SYT14: variants seen among roughly 807,000 people sequenced by gnomAD.
The protein encoded by SYT14 is synaptotagmin-14.
Under a neutral mutation model 74.2 loss-of-function variants are expected in SYT14, and 32 were observed. The observed-to-expected ratio is 0.43, with a 90% CI of 0.33 to 0.58. SYT14 has a LOEUF of 0.58. SYT14 is among the 20% of genes least tolerant of loss of function. SYT14 has a pLI of 0.05. For missense variants in SYT14, 791 were observed against 981.8 expected, an observed-to-expected ratio of 0.81 and a Z score of 2.60; for synonymous variants, 298 against 337.7, an observed-to-expected ratio of 0.88 and a Z score of 1.29.
intron 2 of SYT14, among the ~76,000 whole-genome samples, chr1:209,980,773 T>TGCACAAA (rs2079469892): frequency 6.6e-6 from 1 of 152,160 alleles, no homozygotes; most frequent in African/African-American, 2.4e-5. Context: ...TGCAGTCTTA[T>TGCACAAA]TTCTGGGTTT....
In SYT14 at chr1:210,052,983, C is replaced by T. The variant is rs116270950; in HGVS notation, c.1312+31729C>T. ...TTTCTTATGACTACTACTAGTATTA[C>T]AATTTTATACAATATCCTACATGAC... On this transcript the variant is annotated intron_variant, in intron 5 of 9. Coordinates refer to ENST00000637265, the Ensembl canonical transcript of SYT14. Among the ~76,000 whole-genome samples, 1,289 of 152,118 alleles carry T rather than the reference C, an allele frequency of 8.5e-3. 22 individuals are homozygous for T. The highest frequency in any genetic ancestry group is 0.03 in the African/African-American group (1,244 of 41,514).
exon 4 of SYT14, chr1:210,016,654 T>C: frequency 8.1e-7 from 1 of 1,231,860 alleles, no homozygotes; most frequent in Non-Finnish European, 1.0e-6. Flanking sequence ...AGAAATATGT[T>C]GGTACAGATA....
intron 7 of SYT14, among the ~76,000 whole-genome samples, chr1:210,132,621 T>G (rs1337027790): frequency 6.7e-6 from 1 of 150,254 alleles, no homozygotes; most frequent in African/African-American, 2.4e-5. Context: ...TAACTTATAT[T>G]GACCATTACG....
chr1:209,953,361 C>A (rs56115462), intron 2 of SYT14: 7 of 704,858 alleles, frequency 9.9e-6, no homozygotes, highest in Admixed American at 3.1e-5. Flanking sequence ...TAAGTAATCA[C>A]AAATCTATGA....
chr1:210,014,316 C>T (rs2080142497), intron 3 of SYT14, among the ~76,000 whole-genome samples: 1 of 151,820 alleles, frequency 6.6e-6, no homozygotes, highest in South Asian at 2.1e-4. Flanking sequence ...TAGTGTTCCA[C>T]TCCCTCCCTT....
At chr1:210,105,748 T>A (rs566598397) in intron 7 of SYT14, among the ~76,000 whole-genome samples, 1 of 152,332 alleles carries the variant, frequency 6.6e-6, no homozygotes, top group Non-Finnish European at 1.5e-5. Context: ...TGGGGGCAGA[T>A]TTCTCATGAG....
chr1:210,029,386 G>C (rs938524461), intron 5 of SYT14, among the ~76,000 whole-genome samples: 6 of 152,050 alleles, frequency 3.9e-5, no homozygotes, highest in Non-Finnish European at 5.9e-5. Flanking sequence ...TCTTCTAAGA[G>C]TTTCGTAGTT....
At chr1:210,079,483 A>G (rs2081579450) in intron 5 of SYT14, among the ~76,000 whole-genome samples, 1 of 152,154 alleles carries the variant, frequency 6.6e-6, no homozygotes, top group Non-Finnish European at 1.5e-5. Flanking sequence ...CGTAATAGTG[A>G]AGATATTTTT....
chr1:209,990,649 A>C (rs1475681483), intron 2 of SYT14, among the ~76,000 whole-genome samples: 1 of 144,202 alleles, frequency 6.9e-6, no homozygotes, highest in African/African-American at 2.5e-5. Context: ...ATTTATCAAA[A>C]ATTTAGCAGT....
intron 5 of SYT14, among the ~76,000 whole-genome samples, chr1:210,035,339 G>A (rs1030968492): frequency 4.0e-5 from 6 of 151,776 alleles, no homozygotes; most frequent in African/African-American, 1.5e-4. Context: ...TGCATAGTTT[G>A]GAAATATTTT....
At position 210,094,833 on chromosome 1, in the gene SYT14, A is replaced by C. The variant is rs1478898925; in HGVS notation, c.1584+240A>C. ...CCACCAAAAGAAGATGGGTACCTAA[A>C]GATGTTTTTTTTAAATACTTTGTAT... On this transcript the variant is annotated intron_variant, in intron 6 of 9. Coordinates refer to ENST00000637265, the Ensembl canonical transcript of SYT14. Among the ~76,000 whole-genome samples, 4 of 152,248 alleles carry C rather than the reference A, an allele frequency of 2.6e-5. No individual in the cohort carries two copies. In the South Asian group the frequency reaches 6.2e-4, roughly 24 times the overall value.
At chr1:210,109,600 A>G (rs2082223763) in intron 7 of SYT14, among the ~76,000 whole-genome samples, 1 of 151,258 alleles carries the variant, frequency 6.6e-6, no homozygotes, top group Non-Finnish European at 1.5e-5. Flanking sequence ...AGAGAGAAAA[A>G]ACAAAACAAC....
intron 7 of SYT14, among the ~76,000 whole-genome samples, chr1:210,102,386 T>C (rs1438696058): frequency 6.6e-6 from 1 of 152,182 alleles, no homozygotes; most frequent in African/African-American, 2.4e-5. Context: ...ACCCTGTATT[T>C]AATTGTTCTT....
intron 5 of SYT14, among the ~76,000 whole-genome samples, chr1:210,090,387 G>C (rs1032559867): frequency 6.6e-6 from 1 of 150,698 alleles, no homozygotes; most frequent in South Asian, 2.1e-4. Flanking sequence ...AAAGAATTCT[G>C]CAGTCGTTGA....
chr1:209,949,695 A>G (rs1308789124), intron 1 of SYT14, among the ~76,000 whole-genome samples: 2 of 151,942 alleles, frequency 1.3e-5, no homozygotes, highest in Non-Finnish European at 2.9e-5. Context: ...TATTGTCTGG[A>G]ATGTATCCTT....
chr1:210,069,453 T>C (rs1010918108), intron 5 of SYT14, among the ~76,000 whole-genome samples: 6 of 152,046 alleles, frequency 3.9e-5, no homozygotes, highest in Non-Finnish European at 8.8e-5. Context: ...ATTTTAACAT[T>C]GTGTTATAAG....
exon 4 of SYT14, chr1:210,016,457 A>T: frequency 8.1e-7 from 1 of 1,232,104 alleles, no homozygotes; most frequent in Non-Finnish European, 1.0e-6. Flanking sequence ...TAATGGTGGG[A>T]TATCAGTTAT....
At chr1:210,090,978 G>A (rs912777628) in intron 5 of SYT14, among the ~76,000 whole-genome samples, 1 of 152,046 alleles carries the variant, frequency 6.6e-6, no homozygotes, top group African/African-American at 2.4e-5. Context: ...AAAAGGGGGT[G>A]GTAATACTAT....
rs528719599 is a variant in SYT14, at chr1:210,033,803, C to T, written c.1312+12549C>T. ...GAAAAACGTATCATGGGATTTTGGT[C>T]ATTGGTAACTTTGGAAATGCTTCTT... On this transcript the variant is annotated intron_variant, in intron 5 of 9. Coordinates refer to ENST00000637265, the Ensembl canonical transcript of SYT14. Among the ~76,000 whole-genome samples, 3 of 151,776 alleles carry T rather than the reference C, an allele frequency of 2.0e-5. No homozygotes were observed. In the South Asian group the frequency reaches 6.2e-4, roughly 32 times the overall value.
Sources: gnomAD v4.1 joint callset for allele counts (sites outside exome capture counted in the v4.1 genomes callset) on GRCh38, gnomAD v4.1.1 for gene constraint, MANE v1.5 for transcripts, NCBI Gene and HGNC (gene_info 2026-07-23, HGNC 2026-07-21) for gene names.